DHX37: variants seen among roughly 807,000 people sequenced by gnomAD.
The protein encoded by DHX37 is probable ATP-dependent RNA helicase DHX37.
A neutral mutation model predicts 134.3 loss-of-function variants in DHX37; 52 were observed. The ratio of observed to expected loss-of-function variants is 0.39; its 90% CI spans 0.31 to 0.49. The LOEUF is 0.49. DHX37 is among the 20% of genes least tolerant of loss of function. The pLI is 0.93. For synonymous variants in DHX37, 634 were observed against 670.7 expected (o/e 0.95, Z 0.85); for missense variants, 1,344 against 1,580.8 (o/e 0.85, Z 2.54).
At chr12:124,982,376 T>C in intron 3 of DHX37, 135 bp downstream of exon 3, 2 of 1,215,018 alleles carry the variant, frequency 1.6e-6, no homozygotes, top group South Asian at 3.1e-5. Flanking sequence ...AGGATGACAA[T>C]GAATTTTCAG....
rs1954036070 is a variant in DHX37, at chr12:124,954,124, C to A, written c.2541G>T (p.Gly847=). 1 of 1,612,192 alleles carries A rather than the reference C, an allele frequency of 6.2e-7. No homozygotes were observed. Among genetic ancestry groups the A allele is most frequent in the African/African-American group, 1.3e-5 (1 of 74,916 alleles). Reference sequence around the variant, plus strand: ...TGAGGTCGCCGAGCTTCAGAGAAGCCCCCTGCCCTGCCCAGGTCCTCTTCA... The same window carrying A: ...TGAGGTCGCCGAGCTTCAGAGAAGCACCCTGCCCTGCCCAGGTCCTCTTCA... ...AQMKRTWAGQ[G]ASLKLGDLMV... Residue 847 remains glycine (G), a synonymous_variant, in exon 19 of 27, where the codon GGG becomes GGT. Coordinates refer to ENST00000308736, the MANE Select transcript of DHX37 (RefSeq NM_032656.4).
rs140018131 is a variant in DHX37 at position 124,949,273 on chromosome 12, C to G, written c.3290+713G>C. Reference sequence around the variant, plus strand: ...GGGTGCTGTGCCCCACGCCCCATCTCGAGTCCCTGGCACCTGCCTGCACCT... The same window carrying G: ...GGGTGCTGTGCCCCACGCCCCATCTGGAGTCCCTGGCACCTGCCTGCACCT... On this transcript the variant is annotated intron_variant, in intron 25 of 26. Transcript: ENST00000308736. The surrounding 1 kb of genome is among the most constrained non-coding windows in gnomAD (Gnocchi z 4.0). Among the ~76,000 whole-genome samples, 1 of 152,196 alleles carries G rather than the reference C, an allele frequency of 6.6e-6. No individual in the cohort carries two copies. Among genetic ancestry groups the G allele is most frequent in the African/African-American group, 2.4e-5 (1 of 41,440 alleles).
chr12:124,976,227 G>C (rs1379257459), intron 5 of DHX37, among the ~76,000 whole-genome samples: 2 of 152,198 alleles, frequency 1.3e-5, no homozygotes, highest in Non-Finnish European at 2.9e-5. Context: ...AGCTGGAGCT[G>C]GGTTTCCCCA....
Position 124,977,295 on chromosome 12 carries a change from C to G in DHX37, c.887+47G>C, listed in dbSNP as rs771234945. 4.5e-5 allele frequency: 67 copies of G among 1,475,090 alleles called. No individual in the cohort carries two copies. The East Asian group carries it at 1.6e-3, about 36-fold the overall frequency. The allele number at this position is 1,475,090 out of a possible 1,614,324, so 91.4% of individuals were successfully genotyped here. ...CTCTTATCGACCTTTCAGGGCATCT[C>G]CAGTGTCACTGAGGGACCCAGAGAG... On this transcript the variant is annotated intron_variant, in intron 5 of 26. Transcript: ENST00000308736.
At chr12:124,961,862 T>C (rs979380598) in intron 15 of DHX37, among the ~76,000 whole-genome samples, 1 of 152,112 alleles carries the variant, frequency 6.6e-6, no homozygotes, top group Non-Finnish European at 1.5e-5. Context: ...TCATTAGTCA[T>C]TAGGGAAACA....
Position 124,964,195 on chromosome 12 carries a change from C to CAAAA in DHX37, c.2045+195_2045+198dup, listed in dbSNP as rs397692928. 4.0e-3 allele frequency among the ~76,000 whole-genome samples: 228 copies of CAAAA among 57,338 alleles called. 9 individuals carry two copies. The highest frequency in any genetic ancestry group is 0.01 in the East Asian group (22 of 2,108). The allele number at this position is 57,338 out of a possible 152,430, so 37.6% of individuals were successfully genotyped here. On this transcript the variant is annotated intron_variant, in intron 15 of 26. Transcript: ENST00000308736. ...GGGTGACAAGAGTGAAACTCCATCT[C>CAAAA]AAAAAAAAAAAAAAAAAAAAAATAG...
intron 4 of DHX37, 53 bp from the exon 5 acceptor site, chr12:124,977,543 T>A: frequency 2.0e-6 from 3 of 1,518,928 alleles, no homozygotes; most frequent in Non-Finnish European, 2.6e-6. Flanking sequence ...TAGACAGTGA[T>A]GGGACCTCCA....
intron 12 of DHX37, among the ~76,000 whole-genome samples, chr12:124,966,184 AGC>A (rs1166548925): frequency 6.6e-6 from 1 of 152,152 alleles, no homozygotes; most frequent in Non-Finnish European, 1.5e-5. Context: ...CTGCCAGCCC[AGC>A]CATCCCAGAG....
At chr12:124,955,326 G>T in intron 18 of DHX37, among the ~76,000 whole-genome samples, 1 of 152,184 alleles carries the variant, frequency 6.6e-6, no homozygotes, top group South Asian at 2.1e-4. Flanking sequence ...GCGTGAGCTG[G>T]GTCTTCCCTG....
chr12:124,980,237 G>A lies in DHX37; in HGVS notation c.738+253C>T, dbSNP rs1226720022. Among the ~76,000 whole-genome samples the A allele has an allele frequency of 6.6e-6, 1 of 152,262 alleles. No homozygotes were observed. The highest frequency in any genetic ancestry group is 1.5e-5 in the Non-Finnish European group (1 of 68,032). ...CCGCTGGTCAGAGGGCAGTGGCGAT[G>A]AAGCTACTGCCGCCGACCTCCAGGG... On this transcript the variant is annotated intron_variant, in intron 4 of 26. Transcript: ENST00000308736. This position sits in a 1 kb window ranked among gnomAD's most constrained non-coding sequence, Gnocchi z 5.3.
chr12:124,965,086 C>T, intron 13 of DHX37, 80 bp from the exon 14 acceptor site: 1 of 1,448,964 alleles, frequency 6.9e-7, no homozygotes, highest in East Asian at 2.4e-5. Flanking sequence ...CGGCCCTGCA[C>T]CCCCAGGCTG....
chr12:124,958,192 C>T (rs1045500621), intron 16 of DHX37, among the ~76,000 whole-genome samples: 1 of 152,200 alleles, frequency 6.6e-6, no homozygotes, highest in African/African-American at 2.4e-5. Context: ...AACTACTGAC[C>T]CACACACTTT....
chr12:124,976,824 C>T (rs1010488805), intron 5 of DHX37, among the ~76,000 whole-genome samples: 4 of 143,872 alleles, frequency 2.8e-5, no homozygotes, highest in African/African-American at 1.0e-4. Flanking sequence ...AGTGAGGCTC[C>T]GTCTCAAAAA....
chr12:124,972,694 G>T, intron 6 of DHX37, 95 bp from the exon 7 acceptor site: 1 of 1,270,602 alleles, frequency 7.9e-7, no homozygotes, highest in African/African-American at 1.5e-5. Flanking sequence ...CAGGCAGGCG[G>T]CTTGAGGGCA....
chr12:124,952,297 G>T, intron 21 of DHX37, 101 bp downstream of exon 21: 1 of 1,291,646 alleles, frequency 7.7e-7, no homozygotes, highest in Non-Finnish European at 1.0e-6. Context: ...GGGACCCACA[G>T]CTGAGAGGGA....
At chr12:124,951,962 GCT>G in intron 21 of DHX37, among the ~76,000 whole-genome samples, 1 of 152,134 alleles carries the variant, frequency 6.6e-6, no homozygotes, top group Middle Eastern at 3.4e-3. Flanking sequence ...ACAGAGTGAG[GCT>G]CTGTCTCAAA....
At chr12:124,950,656 C>T (rs367848710) in intron 22 of DHX37, 34 bp downstream of exon 22, 1,224 of 1,607,082 alleles carry the variant, frequency 7.6e-4, no homozygotes, top group Non-Finnish European at 9.4e-4. Flanking sequence ...GCGTCACCAT[C>T]GGGGGACAAG....
Position 124,956,849 on chromosome 12 carries a change from G to A in DHX37, c.2295C>T (p.Ser765=), listed in dbSNP as rs757838290. 6 of 1,601,300 alleles carry A rather than the reference G, an allele frequency of 3.7e-6. No homozygotes were observed. The highest frequency in any genetic ancestry group is 5.1e-6 in the Non-Finnish European group (6 of 1,170,796). ...TCCGGCCCAGCGCAGTGATGGGGCA[G>A]CTCAGCCGGTTCTCCTGCAGTTGCT... The part of the protein sequence containing the change: ...RVKQLQENRL[S]CPITALGRTM... Residue 765 remains serine, a synonymous_variant, in exon 18 of 27, where the codon AGC becomes AGT. Coordinates refer to ENST00000308736, the MANE Select transcript of DHX37 (RefSeq NM_032656.4).
intron 8 of DHX37, among the ~76,000 whole-genome samples, chr12:124,969,952 A>G (rs1266404968): frequency 1.3e-5 from 2 of 151,662 alleles, no homozygotes; most frequent in Non-Finnish European, 1.5e-5. Context: ...ACCACAAAAA[A>G]CCATAAAAGG....
Sources: gnomAD v4.1 joint callset for allele counts (sites outside exome capture counted in the v4.1 genomes callset) on GRCh38, gnomAD v4.1.1 for gene constraint, Gnocchi (gnomAD v3.1) non-coding constraint, MANE v1.5 for transcripts, NCBI Gene and HGNC (gene_info 2026-07-23, HGNC 2026-07-21) for gene names.